The following CPAP variants were observed in gnomAD, a reference collection of about 807,000 sequenced individuals.
The protein encoded by CPAP is centrosome assembly and centriole elongation protein, also known as centrosomal P4.1-associated protein.
At chr13:24,886,511 G>C in the CPAP span, 2 of 484,992 alleles carry the variant, frequency 4.1e-6, no homozygotes, top group South Asian at 3.2e-5. Flanking sequence ...ACATCAGAGG[G>C]ATCAGTCTAG....
the CPAP span, among the ~76,000 whole-genome samples, chr13:24,899,879 T>C: frequency 6.6e-6 from 1 of 151,928 alleles, no homozygotes; most frequent in Non-Finnish European, 1.5e-5. Context: ...TGAGGCAGGC[T>C]TGAGCCCAGG....
chr13:24,903,656 C>G, the CPAP span, among the ~76,000 whole-genome samples: 1 of 152,162 alleles, frequency 6.6e-6, no homozygotes, highest in African/African-American at 2.4e-5. Flanking sequence ...ACTAACTAGC[C>G]AAAGTACCAC....
the CPAP span, chr13:24,912,874 G>A: frequency 6.2e-7 from 1 of 1,614,178 alleles, no homozygotes; most frequent in Non-Finnish European, 8.5e-7. Context: ...AAAGCTGGTA[G>A]AAATGTCCAC....
the CPAP span, among the ~76,000 whole-genome samples, chr13:24,904,872 A>C: frequency 6.6e-6 from 1 of 152,232 alleles, no homozygotes; most frequent in Non-Finnish European, 1.5e-5. Context: ...CCGTTACATC[A>C]ACAGAAATAC....
the CPAP span, chr13:24,884,050 G>T: frequency 6.2e-7 from 1 of 1,613,796 alleles, no homozygotes; most frequent in Non-Finnish European, 8.5e-7. Flanking sequence ...GTCAGGAAAC[G>T]TGATTTCTTT....
chr13:24,918,539 T>G, the CPAP span, among the ~76,000 whole-genome samples: 3 of 152,310 alleles, frequency 2.0e-5, no homozygotes, highest in South Asian at 6.2e-4. Context: ...TAACACATAT[T>G]TTGTATGTTA....
the CPAP span, among the ~76,000 whole-genome samples, chr13:24,918,976 G>C: frequency 1.3e-5 from 2 of 152,126 alleles, no homozygotes; most frequent in East Asian, 3.9e-4. Flanking sequence ...ATTTTGAACA[G>C]AATCTGACCT....
At chr13:24,909,840 G>C in the CPAP span, 2 of 1,613,786 alleles carry the variant, frequency 1.2e-6, no homozygotes, top group Non-Finnish European at 1.7e-6. Context: ...TTCCACAGGT[G>C]CTTCTTGATA....
chr13:24,911,396 G>A, the CPAP span, among the ~76,000 whole-genome samples: 1 of 152,150 alleles, frequency 6.6e-6, no homozygotes, highest in Non-Finnish European at 1.5e-5. Context: ...TCCTACCACA[G>A]AAAATATCTT....
At chr13:24,884,586 TC>T in the CPAP span, 1 of 948,858 alleles carries the variant, frequency 1.1e-6, no homozygotes, top group Non-Finnish European at 1.7e-6. Context: ...CCTCAAAAGA[TC>T]CTTTATTTCG....
the CPAP span, chr13:24,885,305 G>A: frequency 9.3e-6 from 15 of 1,612,378 alleles, no homozygotes; most frequent in African/African-American, 1.3e-5. Flanking sequence ...ATTTCTCCCT[G>A]TATGTCTTGG....
the CPAP span, among the ~76,000 whole-genome samples, chr13:24,895,941 T>C: frequency 3.9e-5 from 6 of 152,190 alleles, no homozygotes. Context: ...AATAAAATAG[T>C]TAATATTTTT....
At chr13:24,906,701 G>A in the CPAP span, 2 of 1,614,156 alleles carry the variant, frequency 1.2e-6, no homozygotes, top group Non-Finnish European at 1.7e-6. Flanking sequence ...ACCACTCTTG[G>A]TTCTAGCTTT....
At chr13:24,923,145 G>C in the CPAP span, among the ~76,000 whole-genome samples, 1 of 152,206 alleles carries the variant, frequency 6.6e-6, no homozygotes, top group Non-Finnish European at 1.5e-5. Flanking sequence ...AACGCCTAAC[G>C]GAGCGATGGA....
chr13:24,900,754 A>T, the CPAP span, among the ~76,000 whole-genome samples: 1 of 152,184 alleles, frequency 6.6e-6, no homozygotes, highest in Non-Finnish European at 1.5e-5. Context: ...CTAGGAAGTG[A>T]ATTTAATAAC....
At chr13:24,912,008 T>C in the CPAP span, 1 of 1,613,892 alleles carries the variant, frequency 6.2e-7, no homozygotes, top group East Asian at 2.2e-5. Context: ...CATGAGTCTC[T>C]GTAGTTGCTC....
the CPAP span, chr13:24,884,417 TTG>T: frequency 1.2e-6 from 2 of 1,614,062 alleles, no homozygotes; most frequent in South Asian, 2.2e-5. Context: ...TCGAGTTCCA[TTG>T]GGAAACAGTA....
the CPAP span, chr13:24,892,895 A>G: frequency 7.0e-7 from 1 of 1,431,266 alleles, no homozygotes. Context: ...CAAAAAGAAA[A>G]AACCATTACT....
At chr13:24,930,340 G>T in the CPAP span, among the ~76,000 whole-genome samples, 2 of 151,758 alleles carry the variant, frequency 1.3e-5, no homozygotes, top group African/African-American at 4.8e-5. Flanking sequence ...TAGATTCAGA[G>T]GGTACATGTG....
Sources: allele counts gnomAD v4.1 joint callset (sites outside exome capture counted in the v4.1 genomes callset), GRCh38; gene constraint gnomAD v4.1.1; transcripts MANE v1.5; gene names NCBI Gene and HGNC (gene_info 2026-07-23, HGNC 2026-07-21).